PAICS: variants seen among roughly 807,000 people sequenced by gnomAD.
PAICS encodes phosphoribosylaminoimidazole carboxylase and phosphoribosylaminoimidazolesuccinocarboxamide synthase.
PAICS carries 33 observed loss-of-function variants against 53.7 expected under a neutral mutation model. The ratio of observed to expected loss-of-function variants is 0.61; its 90% CI spans 0.47 to 0.82. PAICS has a LOEUF of 0.82. Among genes scored for constraint, PAICS ranks in the 40% least tolerant of loss-of-function variants. The pLI is 0.00. For synonymous variants in PAICS, 141 were observed against 167.2 expected, an observed-to-expected ratio of 0.84 and a Z score of 1.21; for missense variants, 394 against 494.1, an observed-to-expected ratio of 0.80 and a Z score of 1.92.
intron 8 of PAICS, among the ~76,000 whole-genome samples, chr4:56,457,005 A>G (rs1052442038): frequency 6.6e-6 from 1 of 152,106 alleles, no homozygotes; most frequent in African/African-American, 2.4e-5. Flanking sequence ...TTGTTCTTCA[A>G]ACAACCCCTC....
At chr4:56,414,171 C>T in the PAICS span, 1 of 152,186 alleles carries the variant, frequency 6.6e-6, no homozygotes, top group African/African-American at 2.4e-5. Context: ...GGAAGCCCTC[C>T]TTGCACCAGG....
At position 56,441,789 on chromosome 4, in the gene PAICS, A is replaced by G; in HGVS notation, c.143A>G (p.Asn48Ser). 6.2e-7 allele frequency: 1 copy of G among 1,602,622 alleles called. No homozygotes were observed. Among genetic ancestry groups the G allele is most frequent in the Non-Finnish European group, 8.5e-7 (1 of 1,174,144 alleles). ...QITAGNAARKNHLEGKAAISN... is the reference protein window; with the variant it reads ...QITAGNAARKSHLEGKAAISN... The stretch of plus-strand genomic sequence containing the variant: ...ACAGCAGGAAATGCAGCTAGAAAAA[A>G]CCACCTGGAAGGAAAAGCTGCAATC... The change falls in exon 2 of 9, where the codon AAC becomes AGC. Residue 48 changes from asparagine to serine, a missense_variant. Around this residue, in one of 3 missense-constraint regions of PAICS, gnomAD observed 168 missense variants for 199.3 expected, o/e 0.84. Coordinates refer to ENST00000512576, the MANE Select transcript of PAICS (RefSeq NM_001079524.2).
At chr4:56,454,035 T>G (rs944091450) in intron 8 of PAICS, among the ~76,000 whole-genome samples, 2 of 152,242 alleles carry the variant, frequency 1.3e-5, no homozygotes, top group South Asian at 2.1e-4. Context: ...GCCCACTATC[T>G]GATGCATTAG....
At chr4:56,435,607 C>G (rs1717869448), upstream of PAICS, 2 of 1,515,958 alleles carry the variant, frequency 1.3e-6, no homozygotes, top group South Asian at 1.3e-5. Flanking sequence ...GAGGGTGGCC[C>G]CAGCTACTGC....
At chr4:56,435,546 C>G (rs927219361), upstream of PAICS, 2 of 1,607,962 alleles carry the variant, frequency 1.2e-6, no homozygotes, top group African/African-American at 2.7e-5. Flanking sequence ...CAGCTGCCAG[C>G]TCGGCCCGTC....
rs140349416 is a variant in PAICS, at chr4:56,462,983, A to T, written c.*3445A>T. The T allele has an allele frequency of 5.3e-4, 81 of 152,056 alleles. No homozygotes were observed. The highest frequency in any genetic ancestry group is 1.9e-3 in the African/African-American group (80 of 41,376). The allele number at this position is 152,056 out of a possible 1,614,324, so 9.4% of individuals were successfully genotyped here. A position where few individuals can be genotyped will look rare whatever the true frequency, so the allele number is the denominator to read the frequency against. On this transcript the variant is annotated 3_prime_UTR_variant, in exon 9 of 9. Transcript: ENST00000512576. ...CCATTGTACTCCAGCCTGGGCAACA[A>T]GAGCAAAACTCTGTTTCAAAAAAAA...
At chr4:56,447,352 A>G (rs1718674775) in intron 3 of PAICS, among the ~76,000 whole-genome samples, 1 of 152,254 alleles carries the variant, frequency 6.6e-6, no homozygotes, top group Non-Finnish European at 1.5e-5. Context: ...TTTTTAATCA[A>G]TGAGTTATGT....
chr4:56,422,620 G>A, the PAICS span: 1 of 152,000 alleles, frequency 6.6e-6, no homozygotes, highest in African/African-American at 2.4e-5. Flanking sequence ...CCAATGTGAT[G>A]TATTTGGAGA....
chr4:56,439,377 C>T (rs1332591959), intron 1 of PAICS, among the ~76,000 whole-genome samples: 1 of 152,204 alleles, frequency 6.6e-6, no homozygotes, highest in African/African-American at 2.4e-5. Context: ...GCAAGGATTA[C>T]AGGCGTGCAC....
chr4:56,462,021 A>G lies in PAICS; in HGVS notation c.*2483A>G, dbSNP rs558201719. ...TGGTTTGATTCTAGGGCCTAGGAAA[A>G]TAGGACTGAGCAAAGCCCTTGTCCA... On this transcript the variant is annotated 3_prime_UTR_variant, in exon 9 of 9. Coordinates refer to ENST00000512576, the MANE Select transcript of PAICS (RefSeq NM_001079524.2). The G allele has an allele frequency of 6.6e-5, 10 of 152,348 alleles. No individual in the cohort carries two copies. The South Asian group carries it at 1.2e-3, about 19-fold the overall frequency. 9.4% of individuals were successfully genotyped at this position (152,348 alleles called of 1,614,324 possible).
intron 8 of PAICS, among the ~76,000 whole-genome samples, chr4:56,454,295 G>A (rs1324382913): frequency 6.6e-6 from 1 of 152,132 alleles, no homozygotes; most frequent in East Asian, 1.9e-4. Flanking sequence ...GTGTAAATTT[G>A]GGGGAGTTAG....
the PAICS span, among the ~76,000 whole-genome samples, chr4:56,423,977 G>GA: frequency 4.6e-5 from 7 of 152,072 alleles, no homozygotes; most frequent in African/African-American, 1.7e-4. Context: ...TATCTTCAGG[G>GA]AAAAAAATTC....
intron 1 of PAICS, among the ~76,000 whole-genome samples, chr4:56,440,522 T>C (rs1455814213): frequency 6.6e-6 from 1 of 152,166 alleles, no homozygotes. Context: ...AATGTACATA[T>C]ACCCAGAGCT....
At chr4:56,435,265 C>A, upstream of PAICS, 1 of 1,579,352 alleles carries the variant, frequency 6.3e-7, no homozygotes, top group South Asian at 1.2e-5. Context: ...CCCGGGCCCT[C>A]GGGCGCTCAT....
At chr4:56,433,703 T>TTC (rs1553940607), upstream of PAICS, among the ~76,000 whole-genome samples, 8 of 144,234 alleles carry the variant, frequency 5.5e-5, no homozygotes, top group Admixed American at 5.3e-4. Flanking sequence ...ACAACTGTTT[T>TTC]TTTTTTTTTG....
chr4:56,448,009 T>TTTC (rs1553942025), intron 3 of PAICS, among the ~76,000 whole-genome samples: 1 of 118,106 alleles, frequency 8.5e-6, no homozygotes, highest in African/African-American at 3.2e-5. Context: ...TTTCTTTTCT[T>TTTC]TTTTTTTTTT....
rs1189869933 is a variant in PAICS at position 56,450,789 on chromosome 4, T to C, written c.771+87T>C. ...CAAAAGAAAAAAAAATGGGAGAGTA[T>C]AGTGCTTTTCTTTTCAGTGACTTTG... On this transcript the variant is annotated intron_variant, in intron 6 of 8. Coordinates refer to ENST00000512576, the MANE Select transcript of PAICS (RefSeq NM_001079524.2). 3.1e-5 allele frequency: 22 copies of C among 706,576 alleles called. 1 individual carries two copies. The highest frequency in any genetic ancestry group is 8.3e-5 in the South Asian group (5 of 60,054). The allele number at this position is 706,576 out of a possible 1,614,324, so 43.8% of individuals were successfully genotyped here.
intron 2 of PAICS, among the ~76,000 whole-genome samples, chr4:56,444,625 G>T (rs1022706525): frequency 6.6e-6 from 1 of 152,014 alleles, no homozygotes; most frequent in African/African-American, 2.4e-5. Flanking sequence ...GATAAACAAT[G>T]GGAATTTTTT....
At chr4:56,433,209 G>A (rs1412084352), upstream of PAICS, among the ~76,000 whole-genome samples, 1 of 151,630 alleles carries the variant, frequency 6.6e-6, no homozygotes, top group Non-Finnish European at 1.5e-5. Context: ...CCCTCTTTGT[G>A]CACCTTAATG....
Sources: gnomAD v4.1 joint callset for allele counts (sites outside exome capture counted in the v4.1 genomes callset) on GRCh38, gnomAD v4.1.1 for gene constraint, gnomAD v4.1.1 regional missense constraint, MANE v1.5 for transcripts, NCBI Gene and HGNC (gene_info 2026-07-23, HGNC 2026-07-21) for gene names.